KCNH5: variants seen among roughly 807,000 people sequenced by gnomAD.
The protein encoded by KCNH5 is voltage-gated delayed rectifier potassium channel KCNH5.
Under a neutral mutation model 96.1 loss-of-function variants are expected in KCNH5, and 46 were observed. The observed-to-expected ratio is 0.48, with a 90% confidence interval of 0.38 to 0.61. The LOEUF (loss-of-function observed/expected upper bound fraction) is 0.61, where lower values mean the gene tolerates loss of function less well. Ranked by LOEUF, KCNH5 falls within the 20% of genes least tolerant of loss-of-function variation. The pLI is 0.00. For missense variants in KCNH5, 907 were observed against 1,225.8 expected, an observed-to-expected ratio of 0.74 and a Z score of 3.88; for synonymous variants, 439 against 449.8, an observed-to-expected ratio of 0.98 and a Z score of 0.30.
chr14:63,041,497 C>T (rs1336758772), intron 1 of KCNH5, among the ~76,000 whole-genome samples: 7 of 152,060 alleles, frequency 4.6e-5, no homozygotes, highest in Admixed American at 4.6e-4. Context: ...TTATTTTGAT[C>T]GTACTAGCCA....
chr14:63,045,270 G>T lies in KCNH5; in HGVS notation c.-84C>A. ...AGAAGGTGGAGGAAGAGGAGGAAAAGGTGGAAGAGAAGATTGAGCCGAAAG... is the reference window on the plus strand; with the variant it reads ...AGAAGGTGGAGGAAGAGGAGGAAAATGTGGAAGAGAAGATTGAGCCGAAAG... On this transcript the variant is annotated 5_prime_UTR_variant, in exon 1 of 11. Coordinates refer to ENST00000322893, the MANE Select transcript of KCNH5 (RefSeq NM_139318.5). 1.8e-6 allele frequency: 2 copies of T among 1,110,322 alleles called. No individual in the cohort carries two copies. Among genetic ancestry groups the T allele is most frequent in the Non-Finnish European group, 2.7e-6 (2 of 736,236 alleles). 68.8% of individuals were successfully genotyped at this position (1,110,322 alleles called of 1,614,324 possible). A position where few individuals can be genotyped will look rare whatever the true frequency, so the allele number is the denominator to read the frequency against.
intron 9 of KCNH5, among the ~76,000 whole-genome samples, chr14:62,787,725 G>C (rs904190040): frequency 6.6e-6 from 1 of 152,162 alleles, no homozygotes; most frequent in African/African-American, 2.4e-5. Flanking sequence ...CAAAGTCCTA[G>C]AATCTTAAGA....
At chr14:62,789,930 C>G (rs12590357) in intron 9 of KCNH5, among the ~76,000 whole-genome samples, 11,992 of 151,702 alleles carry the variant, frequency 0.079, 706 homozygotes, top group East Asian at 0.26. Flanking sequence ...TTTATTTTTG[C>G]TTTTATGGCT....
chr14:62,756,065 C>A (rs1885617679), intron 10 of KCNH5, among the ~76,000 whole-genome samples: 1 of 151,620 alleles, frequency 6.6e-6, no homozygotes, highest in South Asian at 2.1e-4. Flanking sequence ...ACCTAGACTC[C>A]ACCAAAAAAC....
intron 8 of KCNH5, among the ~76,000 whole-genome samples, chr14:62,820,612 T>C (rs1164283236): frequency 1.3e-5 from 2 of 152,176 alleles, no homozygotes; most frequent in African/African-American, 4.8e-5. Context: ...GTTTCTGCCT[T>C]AGTTTGCTCA....
intron 8 of KCNH5, among the ~76,000 whole-genome samples, chr14:62,841,529 T>C (rs1566678455): frequency 6.6e-6 from 1 of 152,198 alleles, no homozygotes; most frequent in Non-Finnish European, 1.5e-5. Flanking sequence ...AATGTGTATA[T>C]ATATAGAAAT....
intron 1 of KCNH5, among the ~76,000 whole-genome samples, chr14:63,037,670 A>G (rs1302806641): frequency 6.6e-6 from 1 of 152,198 alleles, no homozygotes; most frequent in African/African-American, 2.4e-5. Context: ...TTTTCCCCTC[A>G]ATCCAAGTGA....
chr14:62,796,773 G>A (rs1425956457), intron 9 of KCNH5, among the ~76,000 whole-genome samples: 1 of 152,160 alleles, frequency 6.6e-6, no homozygotes, highest in Non-Finnish European at 1.5e-5. Flanking sequence ...ACATTTTAAG[G>A]TGATATGAGA....
chr14:63,028,491 A>C (rs1222821217), intron 1 of KCNH5, among the ~76,000 whole-genome samples: 2 of 152,150 alleles, frequency 1.3e-5, no homozygotes, highest in Non-Finnish European at 2.9e-5. Flanking sequence ...ACAGACTCAC[A>C]AAGCCGCGAT....
chr14:62,961,368 C>T (rs1010353470), intron 6 of KCNH5, among the ~76,000 whole-genome samples: 5 of 152,136 alleles, frequency 3.3e-5, no homozygotes, highest in Admixed American at 1.3e-4. Flanking sequence ...ACCCACCAAC[C>T]GTTTCTTTTG....
rs1344210508 is a variant in KCNH5, at chr14:62,707,754, C to T, written c.2721G>A (p.Gln907=). The T allele has an allele frequency of 1.1e-5, 18 of 1,613,970 alleles. No individual in the cohort carries two copies. The highest frequency in any genetic ancestry group is 1.4e-5 in the Non-Finnish European group (17 of 1,179,998). The part of the protein sequence containing the change: ...PFYPIPEQAL[Q]TTLQEVKHEL... ...CGTGTTTGACTTCCTGCAGTGTGGT[C>T]TGTAAGGCCTGCTCGGGGATGGGAT... is the stretch of plus-strand genomic sequence containing the variant. The change falls in exon 11 of 11, where the codon CAG becomes CAA. Residue 907 remains glutamine, a synonymous_variant. Coordinates refer to ENST00000322893, the MANE Select transcript of KCNH5 (RefSeq NM_139318.5).
intron 8 of KCNH5, among the ~76,000 whole-genome samples, chr14:62,844,635 C>T (rs772028388): frequency 2.5e-4 from 38 of 152,160 alleles, no homozygotes; most frequent in Middle Eastern, 3.4e-3. Context: ...CTAAAGCAAC[C>T]GTACTAATGA....
chr14:62,835,797 T>G (rs958430838), intron 8 of KCNH5, among the ~76,000 whole-genome samples: 4 of 152,064 alleles, frequency 2.6e-5, no homozygotes, highest in African/African-American at 4.8e-5. Flanking sequence ...GAAGGGGTTT[T>G]TGTTTGCTTG....
chr14:62,906,930 T>A (rs1889040078), intron 7 of KCNH5, among the ~76,000 whole-genome samples: 1 of 152,072 alleles, frequency 6.6e-6, no homozygotes, highest in Non-Finnish European at 1.5e-5. Context: ...AAAAGCAAAA[T>A]AAAAAATGTA....
intron 10 of KCNH5, among the ~76,000 whole-genome samples, chr14:62,710,189 C>T (rs933816670): frequency 8.5e-5 from 13 of 152,286 alleles, no homozygotes; most frequent in African/African-American, 2.9e-4. Flanking sequence ...AATTCCCCTT[C>T]CAGGTAAGAG....
intron 7 of KCNH5, among the ~76,000 whole-genome samples, chr14:62,919,126 A>C (rs1889332693): frequency 2.0e-5 from 3 of 152,116 alleles, no homozygotes; most frequent in Admixed American, 6.6e-5. Flanking sequence ...TTTCATACAT[A>C]AAAATGCTAT....
intron 8 of KCNH5, among the ~76,000 whole-genome samples, chr14:62,837,030 A>G (rs1322006983): frequency 6.6e-6 from 1 of 152,170 alleles, no homozygotes. Flanking sequence ...CGCCTGCCAC[A>G]TAGGATGTTT....
chr14:62,953,482 C>T (rs1375167342), intron 6 of KCNH5, among the ~76,000 whole-genome samples: 1 of 152,100 alleles, frequency 6.6e-6, no homozygotes, highest in African/African-American at 2.4e-5. Flanking sequence ...AAATGTCTGC[C>T]GTGCGTTTCC....
At chr14:62,844,110 G>A (rs758970879) in intron 8 of KCNH5, among the ~76,000 whole-genome samples, 33 of 151,820 alleles carry the variant, frequency 2.2e-4, no homozygotes, top group Non-Finnish European at 4.0e-4. Flanking sequence ...ATTTTTTTGT[G>A]TAATTCTGCT....
Sources: allele counts gnomAD v4.1 joint callset (sites outside exome capture counted in the v4.1 genomes callset), GRCh38; gene constraint gnomAD v4.1.1; transcripts MANE v1.5; gene names NCBI Gene and HGNC (gene_info 2026-07-23, HGNC 2026-07-21).